The following PIWIL2 variants were observed in gnomAD, a reference collection of about 807,000 sequenced individuals.
PIWIL2 encodes the protein piwi like RNA-mediated gene silencing 2.
PIWIL2 carries 81 observed loss-of-function variants against 116.5 expected under a neutral mutation model. The observed-to-expected ratio is 0.70, with a 90% CI of 0.58 to 0.84. The LOEUF is 0.84. Among genes scored for constraint, PIWIL2 ranks in the 40% least tolerant of loss-of-function variants. PIWIL2 has a pLI of 0.00. For synonymous variants in PIWIL2, 489 were observed against 429.5 expected (o/e 1.14, Z -1.71); for missense variants, 1,272 against 1,212.3 (o/e 1.05, Z -0.73).
intron 10 of PIWIL2, among the ~76,000 whole-genome samples, chr8:22,291,494 A>G (rs983115794): frequency 6.6e-6 from 1 of 152,164 alleles, no homozygotes; most frequent in African/African-American, 2.4e-5. Context: ...CTCATCTTAC[A>G]CATAAGTCTG....
At chr8:22,289,413 A>G (rs371258669) in intron 8 of PIWIL2, among the ~76,000 whole-genome samples, 3 of 152,152 alleles carry the variant, frequency 2.0e-5, no homozygotes, top group African/African-American at 7.2e-5. Flanking sequence ...AGCCTCCCAA[A>G]GTGCTGGGAT....
chr8:22,303,627 C>A (rs376286611), intron 10 of PIWIL2, among the ~76,000 whole-genome samples: 12 of 152,280 alleles, frequency 7.9e-5, no homozygotes, highest in South Asian at 6.2e-4. Flanking sequence ...ATCCTGGGCT[C>A]AAGCAATCCT....
chr8:22,313,281 A>AG (rs923520415), intron 16 of PIWIL2, among the ~76,000 whole-genome samples: 6 of 152,218 alleles, frequency 3.9e-5, no homozygotes, highest in African/African-American at 1.4e-4. Flanking sequence ...AAATGAGTGA[A>AG]GTGGGCCAGG....
chr8:22,354,169 C>G (rs1018736575), intron 21 of PIWIL2, 102 bp from the exon 22 acceptor site: 1 of 768,796 alleles, frequency 1.3e-6, no homozygotes, highest in Non-Finnish European at 2.3e-6. Flanking sequence ...CATTTGAGCT[C>G]TCTGAGCTTT....
rs150117057 is a variant in PIWIL2 at position 22,296,569 on chromosome 8, G to C, written c.1181+6223G>C. Among the ~76,000 whole-genome samples the C allele has an allele frequency of 2.6e-4, 39 of 152,296 alleles. No homozygotes were observed. In the East Asian group the frequency reaches 6.9e-3, roughly 27 times the overall value. On this transcript the variant is annotated intron_variant, in intron 10 of 22. Coordinates refer to ENST00000356766, the MANE Select transcript of PIWIL2 (RefSeq NM_018068.5). ...TGTATAACTCTAGGTTATAAATCTA[G>C]TTTGGAGATACTTTACCCTGAGAAT...
At position 22,355,543 on chromosome 8, in the gene PIWIL2, G is replaced by A. The variant is rs369374921; in HGVS notation, c.*38G>A. 54 of 1,597,054 alleles carry A rather than the reference G, an allele frequency of 3.4e-5. No homozygotes were observed. The highest frequency in any genetic ancestry group is 4.5e-5 in the South Asian group (4 of 89,802). Reference sequence around the variant, plus strand: ...GAGATGGGCTGGTGAGAAGAAAGGCGGCCTCAGAACTCAGCTGTGACTCTT... The same window carrying A: ...GAGATGGGCTGGTGAGAAGAAAGGCAGCCTCAGAACTCAGCTGTGACTCTT... On this transcript the variant is annotated 3_prime_UTR_variant, in exon 23 of 23. Coordinates refer to ENST00000356766, the MANE Select transcript of PIWIL2 (RefSeq NM_018068.5).
chr8:22,306,588 C>T (rs1049378260), intron 13 of PIWIL2, among the ~76,000 whole-genome samples: 14 of 152,130 alleles, frequency 9.2e-5, no homozygotes, highest in African/African-American at 2.4e-4. Context: ...AGAGCCGGCC[C>T]GCCACACTCT....
intron 20 of PIWIL2, among the ~76,000 whole-genome samples, chr8:22,348,232 G>T (rs925358382): frequency 6.6e-6 from 1 of 150,874 alleles, no homozygotes; most frequent in Middle Eastern, 3.4e-3. Context: ...CCCGGGAGGC[G>T]GAGGTTGCAG....
chr8:22,282,560 A>G (rs149474144), intron 4 of PIWIL2, among the ~76,000 whole-genome samples: 23 of 151,778 alleles, frequency 1.5e-4, no homozygotes, highest in Admixed American at 3.9e-4. Flanking sequence ...CTGACAGTCA[A>G]TAGCAGTTGG....
chr8:22,337,325 T>C lies in PIWIL2; in HGVS notation c.2404-15634T>C, dbSNP rs780310564. On this transcript the variant is annotated intron_variant, in intron 20 of 22. Transcript: ENST00000356766. ...CAAGGTTGAAGATACAAGATCAGTA[T>C]ATAATAATCAGTTGTATTTCTGTAC... 7.2e-5 allele frequency among the ~76,000 whole-genome samples: 11 copies of C among 152,280 alleles called. 1 individual carries two copies. In the South Asian group the frequency reaches 1.4e-3, roughly 20 times the overall value.
chr8:22,310,308 A>G (rs80236328), intron 15 of PIWIL2, among the ~76,000 whole-genome samples: 1 of 152,236 alleles, frequency 6.6e-6, no homozygotes, highest in Non-Finnish European at 1.5e-5. Flanking sequence ...GTGGTAATTC[A>G]CATAGTGCCA....
chr8:22,311,480 TCTCA>T (rs1040588098), intron 16 of PIWIL2, among the ~76,000 whole-genome samples, 180 bp downstream of exon 16: 8 of 152,254 alleles, frequency 5.3e-5, no homozygotes, highest in Non-Finnish European at 1.2e-4. Context: ...ATTTTGCTTC[TCTCA>T]CTCTGTGTTG....
chr8:22,335,005 A>G (rs1831947087), intron 20 of PIWIL2, among the ~76,000 whole-genome samples: 1 of 151,574 alleles, frequency 6.6e-6, no homozygotes, highest in Non-Finnish European at 1.5e-5. Context: ...CAGCGAGCCA[A>G]CATTGTGCCA....
rs1832487779 is a variant in PIWIL2, at chr8:22,356,205, A to C, written c.*700A>C. ...TAATTAAGTCATTGCAAGTTGCCTG[A>C]AGAGAATTACTCAGGCAACTGGGAA... On this transcript the variant is annotated 3_prime_UTR_variant, in exon 23 of 23. Transcript: ENST00000356766. 1 of 152,212 alleles carries C rather than the reference A, an allele frequency of 6.6e-6. No homozygotes were observed. The highest frequency in any genetic ancestry group is 6.5e-5 in the Admixed American group (1 of 15,278). 9.4% of individuals were successfully genotyped at this position (152,212 alleles called of 1,614,324 possible).
chr8:22,352,996 G>A lies in PIWIL2; in HGVS notation c.2441G>A (p.Arg814His), dbSNP rs777197936. The A allele has an allele frequency of 5.6e-6, 9 of 1,614,076 alleles. No homozygotes were observed. Among genetic ancestry groups the A allele is most frequent in the African/African-American group, 1.3e-5 (1 of 75,048 alleles). Reference sequence around the variant, plus strand: ...CTACCAGAGAAGATTGTGGTGTACCGTGATGGAGTGTCTGATGGCCAACTG... The same window carrying A: ...CTACCAGAGAAGATTGTGGTGTACCATGATGGAGTGTCTGATGGCCAACTG... ...HCLPEKIVVYRDGVSDGQLKT... is the reference protein window; with the variant it reads ...HCLPEKIVVYHDGVSDGQLKT... Residue 814 changes from arginine (R) to histidine (H), a missense_variant, in exon 21 of 23, where the codon CGT becomes CAT. Coordinates refer to ENST00000356766, the MANE Select transcript of PIWIL2 (RefSeq NM_018068.5).
intron 20 of PIWIL2, among the ~76,000 whole-genome samples, chr8:22,330,847 T>A (rs1487009114): frequency 6.6e-6 from 1 of 152,102 alleles, no homozygotes; most frequent in African/African-American, 2.4e-5. Flanking sequence ...ACTTTTCTAT[T>A]TCTTGGCAAG....
At chr8:22,312,054 A>G (rs1450347522) in intron 16 of PIWIL2, among the ~76,000 whole-genome samples, 1 of 150,856 alleles carries the variant, frequency 6.6e-6, no homozygotes, top group African/African-American at 2.4e-5. Flanking sequence ...GCTTGAGCCC[A>G]GGAGTTTGAG....
At chr8:22,335,296 A>T (rs1003306694) in intron 20 of PIWIL2, among the ~76,000 whole-genome samples, 1 of 152,082 alleles carries the variant, frequency 6.6e-6, no homozygotes. Flanking sequence ...TGAACTCAAC[A>T]CTCAAAAGAT....
intron 20 of PIWIL2, among the ~76,000 whole-genome samples, chr8:22,328,559 A>G (rs1586583608): frequency 2.0e-5 from 3 of 152,274 alleles, no homozygotes; most frequent in African/African-American, 7.2e-5. Flanking sequence ...CTTCCAGCAT[A>G]TGGACACAGG....
Sources: allele counts gnomAD v4.1 joint callset (sites outside exome capture counted in the v4.1 genomes callset), GRCh38; gene constraint gnomAD v4.1.1; transcripts MANE v1.5; gene names NCBI Gene and HGNC (gene_info 2026-07-23, HGNC 2026-07-21).